Variants in CADPS observed in about 807,000 individuals in gnomAD.
CADPS encodes calcium dependent secretion activator, also known as calcium-dependent secretion activator 1.
A neutral mutation model predicts 167.3 loss-of-function variants in CADPS; 57 were observed. The ratio of observed to expected loss-of-function variants is 0.34; its 90% CI spans 0.28 to 0.42. The LOEUF (loss-of-function observed/expected upper bound fraction) is 0.42, where lower values mean the gene tolerates loss of function less well. Among genes scored for constraint, CADPS ranks in the 20% least tolerant of loss-of-function variants. CADPS has a pLI of 1.00. For synonymous variants in CADPS, 676 were observed against 635.3 expected (o/e 1.06, Z -0.96); for missense variants, 1,414 against 1,738.1 (o/e 0.81, Z 3.32).
rs546075434 is a variant in CADPS at position 62,417,914 on chromosome 3, C to T, written c.3778-14729G>A. On this transcript the variant is annotated intron_variant, in intron 28 of 29. Transcript: ENST00000383710. Reference sequence around the variant, plus strand: ...GAACAATGACATGTGCCTATAGTCTCAGCTACTTGGGAGTTTGAGGCGGGA... The same window carrying T: ...GAACAATGACATGTGCCTATAGTCTTAGCTACTTGGGAGTTTGAGGCGGGA... 3.9e-5 allele frequency among the ~76,000 whole-genome samples: 6 copies of T among 152,124 alleles called. No homozygotes were observed. In the South Asian group the frequency reaches 1.0e-3, roughly 26 times the overall value.
chr3:62,463,854 C>A (rs529429197), intron 26 of CADPS, among the ~76,000 whole-genome samples: 1 of 152,168 alleles, frequency 6.6e-6, no homozygotes, highest in Admixed American at 6.6e-5. Flanking sequence ...TAGGGGCCAT[C>A]GCACCTCTGG....
chr3:62,600,007 G>A, intron 6 of CADPS, among the ~76,000 whole-genome samples: 1 of 135,716 alleles, frequency 7.4e-6, no homozygotes, highest in Admixed American at 8.8e-5. Flanking sequence ...GTAAATATTT[G>A]CTTAGTAACT....
intron 11 of CADPS, among the ~76,000 whole-genome samples, chr3:62,549,332 C>T (rs924161259): frequency 2.0e-5 from 3 of 151,736 alleles, no homozygotes; most frequent in African/African-American, 7.3e-5. Context: ...TAAATGTATG[C>T]AGAGGTAAGA....
rs891834440 is a variant in CADPS at position 62,651,152 on chromosome 3, C to T, written c.970-72G>A. The T allele has an allele frequency of 4.1e-6, 4 of 968,572 alleles. No individual in the cohort carries two copies. The African/African-American group carries it at 6.5e-5, about 16-fold the overall frequency. 60.0% of individuals were successfully genotyped at this position (968,572 alleles called of 1,614,324 possible). A position where few individuals can be genotyped will look rare whatever the true frequency, so the allele number is the denominator to read the frequency against. On this transcript the variant is annotated intron_variant, in intron 4 of 29. Coordinates refer to ENST00000383710, the MANE Select transcript of CADPS (RefSeq NM_003716.4). Reference sequence around the variant, plus strand: ...TGATTTATAAAGAAGGTCTTTGTCCCATGGCCCAGAGTTAGAATCACATCT... The same window carrying T: ...TGATTTATAAAGAAGGTCTTTGTCCTATGGCCCAGAGTTAGAATCACATCT...
At chr3:62,806,463 T>C (rs1276705182) in intron 1 of CADPS, among the ~76,000 whole-genome samples, 4 of 151,506 alleles carry the variant, frequency 2.6e-5, no homozygotes, top group Non-Finnish European at 5.9e-5. Flanking sequence ...GTATGGGAGA[T>C]CAAGGCTGCA....
intron 2 of CADPS, among the ~76,000 whole-genome samples, chr3:62,762,491 T>C (rs750855722): frequency 2.0e-5 from 3 of 151,734 alleles, no homozygotes; most frequent in Non-Finnish European, 2.9e-5. Context: ...ACCCTCTCTC[T>C]ACAAAAAATA....
At chr3:62,871,714 CTT>C (rs2082663034) in intron 1 of CADPS, among the ~76,000 whole-genome samples, 1 of 152,036 alleles carries the variant, frequency 6.6e-6, no homozygotes, top group African/African-American at 2.4e-5. Context: ...AAAAAAATAA[CTT>C]TGGCTAAAAA....
chr3:62,756,607 C>A (rs1362012222), intron 2 of CADPS, among the ~76,000 whole-genome samples: 1 of 152,166 alleles, frequency 6.6e-6, no homozygotes, highest in Non-Finnish European at 1.5e-5. Flanking sequence ...TGATTACGAT[C>A]TGGAACAAGT....
intron 12 of CADPS, among the ~76,000 whole-genome samples, chr3:62,534,343 C>G (rs891702956): frequency 7.9e-5 from 12 of 152,270 alleles, no homozygotes; most frequent in African/African-American, 2.9e-4. Context: ...GCCTTTGCAA[C>G]ACTCTAATCT....
At chr3:62,831,872 G>A (rs922666751) in intron 1 of CADPS, among the ~76,000 whole-genome samples, 5 of 152,244 alleles carry the variant, frequency 3.3e-5, no homozygotes, top group Admixed American at 1.3e-4. Flanking sequence ...CAATGTATTT[G>A]AATTCTTGCT....
intron 6 of CADPS, among the ~76,000 whole-genome samples, chr3:62,638,703 C>T (rs930748794): frequency 6.6e-6 from 1 of 152,150 alleles, no homozygotes; most frequent in African/African-American, 2.4e-5. Context: ...TTGATCATCC[C>T]ATTCTGAAAT....
At chr3:62,551,695 G>T (rs951221218) in intron 10 of CADPS, among the ~76,000 whole-genome samples, 4 of 152,108 alleles carry the variant, frequency 2.6e-5, no homozygotes, top group East Asian at 1.9e-4. Context: ...ATGCACACAT[G>T]TACTCACTTC....
At position 62,615,008 on chromosome 3, in the gene CADPS, G is replaced by A. The variant is rs138957351; in HGVS notation, c.1326-22260C>T. 6.8e-3 allele frequency among the ~76,000 whole-genome samples: 1,037 copies of A among 152,290 alleles called. 8 individuals carry two copies. The highest frequency in any genetic ancestry group is 0.013 in the Non-Finnish European group (871 of 68,020). On this transcript the variant is annotated intron_variant, in intron 6 of 29. Coordinates refer to ENST00000383710, the MANE Select transcript of CADPS (RefSeq NM_003716.4). The stretch of plus-strand genomic sequence containing the variant: ...CATTGAGAGCTCTCAATAAATGTTA[G>A]CAATATGTGATTTAGGATGAAAATT...
At chr3:62,480,494 G>A (rs2061866713) in intron 22 of CADPS, among the ~76,000 whole-genome samples, 1 of 152,140 alleles carries the variant, frequency 6.6e-6, no homozygotes, top group South Asian at 2.1e-4. Context: ...TGATTTTAGT[G>A]TGAACTTGTG....
chr3:62,493,782 A>G, intron 18 of CADPS, 117 bp from the exon 19 acceptor site: 3 of 845,610 alleles, frequency 3.5e-6, no homozygotes, highest in Non-Finnish European at 5.8e-6. Flanking sequence ...TCACTGATTC[A>G]GATTAATGGG....
chr3:62,703,737 A>G (rs1244623462), intron 3 of CADPS, among the ~76,000 whole-genome samples: 1 of 152,184 alleles, frequency 6.6e-6, no homozygotes, highest in Non-Finnish European at 1.5e-5. Context: ...CTTCAGGATG[A>G]AAAGAAGGCA....
intron 5 of CADPS, 43 bp downstream of exon 5, chr3:62,650,804 A>T: frequency 6.8e-7 from 1 of 1,470,324 alleles, no homozygotes; most frequent in Non-Finnish European, 9.5e-7. Flanking sequence ...CCCATGTCCT[A>T]CTTGCTGTGC....
At chr3:62,627,161 T>C (rs1438069509) in intron 6 of CADPS, among the ~76,000 whole-genome samples, 2 of 150,396 alleles carry the variant, frequency 1.3e-5, no homozygotes, top group African/African-American at 4.9e-5. Context: ...TGTGTGTGTG[T>C]ATCCTGAGTT....
At chr3:62,422,403 C>T (rs1234689018) in intron 28 of CADPS, among the ~76,000 whole-genome samples, 1 of 152,240 alleles carries the variant, frequency 6.6e-6, no homozygotes, top group Non-Finnish European at 1.5e-5. Context: ...AGTTGGCTAA[C>T]AGCTGACGAT....
Sources: allele counts gnomAD v4.1 joint callset (sites outside exome capture counted in the v4.1 genomes callset), GRCh38; gene constraint gnomAD v4.1.1; transcripts MANE v1.5; gene names NCBI Gene and HGNC (gene_info 2026-07-23, HGNC 2026-07-21).